CTNNA3: variants seen among roughly 807,000 people sequenced by gnomAD.
The protein encoded by CTNNA3 is catenin alpha-3.
In CTNNA3, 76 loss-of-function variants were observed where a neutral mutation model predicts 95.7. That is an observed-to-expected ratio of 0.79 (90% confidence interval 0.66 to 0.96). CTNNA3 has a LOEUF of 0.96. CTNNA3 is among the 40% of genes least tolerant of loss of function. The pLI is 0.00. For missense variants in CTNNA3, 1,191 were observed against 1,089.8 expected (o/e 1.09, Z -1.31); for synonymous variants, 431 against 374.4 (o/e 1.15, Z -1.74).
chr10:66,406,036 C>T lies in CTNNA3; in HGVS notation c.1532-26684G>A, dbSNP rs567063899. Among the ~76,000 whole-genome samples, 5 of 152,182 alleles carry T rather than the reference C, an allele frequency of 3.3e-5. No homozygotes were observed. In the East Asian group the frequency reaches 7.8e-4, roughly 24 times the overall value. The stretch of plus-strand genomic sequence containing the variant: ...GAAAGAGAGAGGCAAAAATGGGTTT[C>T]TCTGAAATTGCTATCAGCAGTGTTA... On this transcript the variant is annotated intron_variant, in intron 11 of 17. Coordinates refer to ENST00000433211, the MANE Select transcript of CTNNA3 (RefSeq NM_013266.4).
At chr10:67,374,868 T>C (rs1418304327) in intron 5 of CTNNA3, among the ~76,000 whole-genome samples, 2 of 152,174 alleles carry the variant, frequency 1.3e-5, no homozygotes, top group Admixed American at 6.5e-5. Flanking sequence ...TTCTACATTA[T>C]AGAACACCAA....
chr10:66,721,740 GCTA>G (rs1225357367), intron 9 of CTNNA3, among the ~76,000 whole-genome samples: 2 of 152,142 alleles, frequency 1.3e-5, no homozygotes, highest in African/African-American at 4.8e-5. Context: ...GCTCTTCATC[GCTA>G]CTGTTAATAA....
chr10:66,182,966 G>A (rs2086134594), intron 13 of CTNNA3, among the ~76,000 whole-genome samples: 2 of 152,198 alleles, frequency 1.3e-5, no homozygotes, highest in African/African-American at 4.8e-5. Flanking sequence ...TCACTCGGGA[G>A]TCTGGCTCCA....
At chr10:66,044,683 A>C (rs1369417109) in intron 15 of CTNNA3, among the ~76,000 whole-genome samples, 1 of 152,180 alleles carries the variant, frequency 6.6e-6, no homozygotes. Flanking sequence ...TTTGCCCCAT[A>C]TTCTAAGTTT....
chr10:66,534,288 C>A (rs183350570), intron 10 of CTNNA3, among the ~76,000 whole-genome samples: 53 of 152,112 alleles, frequency 3.5e-4, no homozygotes, highest in African/African-American at 1.3e-3. Context: ...AATACTGTAG[C>A]AATTTTACCA....
At chr10:66,014,441 G>A (rs2079057656) in intron 15 of CTNNA3, among the ~76,000 whole-genome samples, 1 of 152,020 alleles carries the variant, frequency 6.6e-6, no homozygotes, top group Non-Finnish European at 1.5e-5. Flanking sequence ...AGCATTCAAT[G>A]GAAATCTTTA....
intron 7 of CTNNA3, among the ~76,000 whole-genome samples, chr10:66,822,754 G>A (rs1239600298): frequency 6.6e-6 from 1 of 152,144 alleles, no homozygotes; most frequent in Admixed American, 6.5e-5. Flanking sequence ...AAATACTTGT[G>A]GATAAGGATT....
chr10:67,486,595 A>C (rs1317940222), intron 5 of CTNNA3, among the ~76,000 whole-genome samples: 2 of 152,174 alleles, frequency 1.3e-5, no homozygotes. Flanking sequence ...TGAGAAAAAC[A>C]GTAAGATTAT....
chr10:66,292,214 A>T (rs569982857), intron 12 of CTNNA3, among the ~76,000 whole-genome samples: 4 of 152,072 alleles, frequency 2.6e-5, no homozygotes, highest in African/African-American at 9.6e-5. Context: ...CTCCATGTTC[A>T]ATCAATCAAT....
chr10:66,488,661 T>G (rs1839818860), intron 11 of CTNNA3, among the ~76,000 whole-genome samples: 1 of 152,170 alleles, frequency 6.6e-6, no homozygotes, highest in Non-Finnish European at 1.5e-5. Flanking sequence ...AGTTGAAGTT[T>G]TTCAAATTAA....
intron 7 of CTNNA3, among the ~76,000 whole-genome samples, chr10:67,171,264 T>C (rs892690313): frequency 1.3e-5 from 2 of 152,150 alleles, no homozygotes; most frequent in African/African-American, 2.4e-5. Flanking sequence ...CATATAAGCA[T>C]ATTCAAAGTA....
At chr10:67,603,580 T>G (rs921564915) in intron 3 of CTNNA3, among the ~76,000 whole-genome samples, 14 of 151,644 alleles carry the variant, frequency 9.2e-5, no homozygotes, top group African/African-American at 3.4e-4. Context: ...TGTCTTAGAT[T>G]TTAGTAAAAA....
chr10:66,631,737 G>A (rs1280034345), intron 9 of CTNNA3, among the ~76,000 whole-genome samples: 1 of 147,652 alleles, frequency 6.8e-6, no homozygotes, highest in Non-Finnish European at 1.5e-5. Context: ...TTTTACTCAA[G>A]GTTCTAGTAA....
intron 7 of CTNNA3, among the ~76,000 whole-genome samples, chr10:67,079,190 A>T (rs113953622): frequency 0.055 from 8,445 of 152,190 alleles, 345 homozygotes; most frequent in South Asian, 0.19. Flanking sequence ...TTGTGTGGGG[A>T]TGTATGCAAG....
At position 65,914,260 on chromosome 10, in the gene CTNNA3, C is replaced by G. The variant is rs1208593765; in HGVS notation, c.*6070G>C. ...TCCTACAGTTGGGAATAGGCACCATCATGACTACCAGATACATAAAAGTGA... is the reference window on the plus strand; with the variant it reads ...TCCTACAGTTGGGAATAGGCACCATGATGACTACCAGATACATAAAAGTGA... On this transcript the variant is annotated 3_prime_UTR_variant, in exon 18 of 18. Transcript: ENST00000433211. 6.6e-6 allele frequency: 1 copy of G among 152,130 alleles called. No homozygotes were observed. The highest frequency in any genetic ancestry group is 1.5e-5 in the Non-Finnish European group (1 of 68,012). The allele number at this position is 152,130 out of a possible 1,614,324, so 9.4% of individuals were successfully genotyped here. A position where few individuals can be genotyped will look rare whatever the true frequency, so the allele number is the denominator to read the frequency against.
intron 7 of CTNNA3, among the ~76,000 whole-genome samples, chr10:66,821,086 C>A (rs1420706958): frequency 3.9e-5 from 6 of 152,018 alleles, no homozygotes; most frequent in Non-Finnish European, 5.9e-5. Flanking sequence ...CAAATTTAAA[C>A]CTGTGTACAT....
chr10:67,360,501 G>C (rs995232156), intron 5 of CTNNA3, among the ~76,000 whole-genome samples: 6 of 151,726 alleles, frequency 4.0e-5, no homozygotes, highest in Non-Finnish European at 8.8e-5. Flanking sequence ...GCAAAGTAAA[G>C]GGATGGAGAA....
At position 67,121,249 on chromosome 10, in the gene CTNNA3, T is replaced by C. The variant is rs141108948; in HGVS notation, c.1047+59068A>G. Among the ~76,000 whole-genome samples the C allele has an allele frequency of 5.8e-3, 889 of 152,234 alleles. 29 individuals carry two copies. The highest frequency in any genetic ancestry group is 0.048 in the Admixed American group (737 of 15,248). On this transcript the variant is annotated intron_variant, in intron 7 of 17. Transcript: ENST00000433211. ...ATGGATGAAATTTTGGCTATTCTTG[T>C]TAACAGTGTCTCAGTGTAAGCATTG... is the stretch of plus-strand genomic sequence containing the variant.
At chr10:67,484,591 TAAACAATTAGATAAGCAA>T (rs539125868) in intron 5 of CTNNA3, among the ~76,000 whole-genome samples, 101 of 152,080 alleles carry the variant, frequency 6.6e-4, no homozygotes, top group African/African-American at 2.2e-3. Context: ...ATAAGAAACT[TAAACAATTAGATAAGCAA>T]AAACCAAATA....
Sources: allele counts gnomAD v4.1 joint callset (sites outside exome capture counted in the v4.1 genomes callset), GRCh38; gene constraint gnomAD v4.1.1; transcripts MANE v1.5; gene names NCBI Gene and HGNC (gene_info 2026-07-23, HGNC 2026-07-21).